Variants in CD244 observed in about 807,000 individuals in gnomAD.
CD244 encodes the protein natural killer cell receptor 2B4.
CD244 carries 20 observed loss-of-function variants against 45.5 expected under a neutral mutation model. The ratio of observed to expected loss-of-function variants is 0.44; its 90% CI spans 0.31 to 0.64. The LOEUF (loss-of-function observed/expected upper bound fraction) is 0.64, where lower values mean the gene tolerates loss of function less well. CD244 is among the 30% of genes least tolerant of loss of function. The pLI is 0.08. For synonymous variants in CD244, 185 were observed against 160.5 expected, an observed-to-expected ratio of 1.15 and a Z score of -1.15; for missense variants, 407 against 426.9, an observed-to-expected ratio of 0.95 and a Z score of 0.41.
At position 160,862,774 on chromosome 1, in the gene CD244, G is replaced by A; in HGVS notation, c.-97C>T. Reference sequence around the variant, plus strand: ...TCCCCAGTCAGCAAGAGGACGATGGGGAGCAGAACTGCCTTGCAACCTGTC... The same window carrying A: ...TCCCCAGTCAGCAAGAGGACGATGGAGAGCAGAACTGCCTTGCAACCTGTC... On this transcript the variant is annotated 5_prime_UTR_variant, in exon 1 of 9. Coordinates refer to ENST00000368034, the MANE Select transcript of CD244 (RefSeq NM_016382.4). 2 of 1,073,674 alleles carry A rather than the reference G, an allele frequency of 1.9e-6. No individual in the cohort carries two copies. The highest frequency in any genetic ancestry group is 2.8e-6 in the Non-Finnish European group (2 of 720,896). The allele number at this position is 1,073,674 out of a possible 1,614,324, so 66.5% of individuals were successfully genotyped here.
At chr1:160,856,855 A>G (rs753030805) in intron 1 of CD244, among the ~76,000 whole-genome samples, 12 of 152,006 alleles carry the variant, frequency 7.9e-5, no homozygotes, top group Non-Finnish European at 1.5e-4. Context: ...ATGTACAGTA[A>G]AGGAAACAAT....
chr1:160,852,143 G>A (rs902201495), intron 1 of CD244, among the ~76,000 whole-genome samples: 14 of 152,214 alleles, frequency 9.2e-5, no homozygotes, highest in Non-Finnish European at 1.5e-4. Context: ...ACTTGGGCAG[G>A]CACTTTAGGA....
chr1:160,841,567 C>T lies in CD244; in HGVS notation c.379+17G>A. ...TAGGAATCAGAGAGGGCAGTATGAACAGTCCTGGAGACTTACCAAATACAA... is the reference window on the plus strand; with the variant it reads ...TAGGAATCAGAGAGGGCAGTATGAATAGTCCTGGAGACTTACCAAATACAA... On this transcript the variant is annotated intron_variant, in intron 2 of 8. Transcript: ENST00000368034. 1.2e-6 allele frequency: 2 copies of T among 1,612,684 alleles called. No individual in the cohort carries two copies. The highest frequency in any genetic ancestry group is 1.7e-6 in the Non-Finnish European group (2 of 1,179,304).
intron 6 of CD244, among the ~76,000 whole-genome samples, 174 bp downstream of exon 6, chr1:160,836,021 C>T (rs1428978048): frequency 1.3e-5 from 2 of 152,158 alleles, no homozygotes; most frequent in African/African-American, 2.4e-5. Context: ...TTAAGATGCT[C>T]TAGTATCACA....
chr1:160,837,599 G>A (rs531872408), intron 5 of CD244, among the ~76,000 whole-genome samples: 1 of 152,216 alleles, frequency 6.6e-6, no homozygotes, highest in African/African-American at 2.4e-5. Context: ...GCTGCACAGG[G>A]CCTCACGTAT....
intron 3 of CD244, 92 bp downstream of exon 3, chr1:160,841,118 A>AT: frequency 8.4e-6 from 11 of 1,311,482 alleles, no homozygotes; most frequent in Non-Finnish European, 1.2e-5. Flanking sequence ...AGGCCAAGGG[A>AT]TTTTATCTCA....
At chr1:160,852,136 T>G (rs1571114666) in intron 1 of CD244, among the ~76,000 whole-genome samples, 1 of 152,178 alleles carries the variant, frequency 6.6e-6, no homozygotes, top group Non-Finnish European at 1.5e-5. Context: ...GCAACAGACT[T>G]GGGCAGGCAC....
chr1:160,857,723 T>A (rs1188622312), intron 1 of CD244, among the ~76,000 whole-genome samples: 3 of 152,238 alleles, frequency 2.0e-5, no homozygotes, highest in Non-Finnish European at 4.4e-5. Context: ...TTCTGTATGT[T>A]GCACTTCAAT....
At chr1:160,848,409 G>C in intron 1 of CD244, 1 of 556,254 alleles carries the variant, frequency 1.8e-6, no homozygotes, top group East Asian at 4.7e-5. Context: ...AAGTTGAAAG[G>C]GGGCATGAAT....
At chr1:160,843,045 A>C (rs1266975550) in intron 1 of CD244, among the ~76,000 whole-genome samples, 3 of 152,206 alleles carry the variant, frequency 2.0e-5, no homozygotes, top group Non-Finnish European at 4.4e-5. Flanking sequence ...TATTAAGAAG[A>C]GAGCAATTGA....
Position 160,845,032 on chromosome 1 carries a change from T to G in CD244, c.62-3131A>C, listed in dbSNP as rs149710116. ...AGCCACCCGTGGCCAGTCTGGCAGC[T>G]GACCACACATGCATGACTGATGCAA... On this transcript the variant is annotated intron_variant, in intron 1 of 8. Coordinates refer to ENST00000368034, the MANE Select transcript of CD244 (RefSeq NM_016382.4). Among the ~76,000 whole-genome samples, 56 of 152,294 alleles carry G rather than the reference T, an allele frequency of 3.7e-4. 1 individual carries two copies. The South Asian group carries it at 5.8e-3, about 16-fold the overall frequency.
intron 1 of CD244, among the ~76,000 whole-genome samples, chr1:160,854,386 T>G (rs1474233237): frequency 6.6e-6 from 1 of 152,024 alleles, no homozygotes; most frequent in African/African-American, 2.4e-5. Flanking sequence ...ACTTCTTTGT[T>G]TGTTTGTTTG....
At chr1:160,831,866 G>A (rs768309401) in intron 8 of CD244, among the ~76,000 whole-genome samples, 8 of 152,184 alleles carry the variant, frequency 5.3e-5, no homozygotes, top group African/African-American at 1.2e-4. Flanking sequence ...GTTGGGGGAT[G>A]CTCTCCATGC....
In CD244 at chr1:160,848,221, T is replaced by G. The variant is rs1669802471; in HGVS notation, c.62-6320A>C. The G allele has an allele frequency of 5.5e-6, 3 of 546,254 alleles. No individual in the cohort carries two copies. In the East Asian group the frequency reaches 1.4e-4, roughly 26 times the overall value. The allele number at this position is 546,254 out of a possible 1,614,324, so 33.8% of individuals were successfully genotyped here. ...AGGATGTTGACATCACACACCATAA[T>G]GGCACTGGTGGCAAGTTCATCTATG... is the stretch of plus-strand genomic sequence containing the variant. On this transcript the variant is annotated intron_variant, in intron 1 of 8. Coordinates refer to ENST00000368034, the MANE Select transcript of CD244 (RefSeq NM_016382.4).
chr1:160,858,030 G>A (rs1309372597), intron 1 of CD244, among the ~76,000 whole-genome samples: 1 of 150,986 alleles, frequency 6.6e-6, no homozygotes, highest in Non-Finnish European at 1.5e-5. Context: ...CTGGGTGATA[G>A]AGCAAGACCC....
chr1:160,861,533 T>C (rs1388171399), intron 1 of CD244, among the ~76,000 whole-genome samples: 5 of 152,146 alleles, frequency 3.3e-5, no homozygotes, highest in Admixed American at 2.6e-4. Context: ...GTCACTGATC[T>C]AAAATGCAGA....
chr1:160,831,176 C>G lies in CD244; in HGVS notation c.*171G>C, dbSNP rs1301444933. 3.3e-6 allele frequency: 2 copies of G among 599,564 alleles called. No homozygotes were observed. The highest frequency in any genetic ancestry group is 6.0e-6 in the Non-Finnish European group (2 of 332,506). 37.1% of individuals were successfully genotyped at this position (599,564 alleles called of 1,614,324 possible). A position where few individuals can be genotyped will look rare whatever the true frequency, so the allele number is the denominator to read the frequency against. On this transcript the variant is annotated 3_prime_UTR_variant, in exon 9 of 9. Transcript: ENST00000368034. ...GAAGATATTATTTAACAGCCTTGCT[C>G]TTATCATGGTTGTTAGACATCATTT...
At chr1:160,841,508 G>C (rs770643711) in intron 2 of CD244, 23 bp from the exon 3 acceptor site, 2 of 1,613,660 alleles carry the variant, frequency 1.2e-6, no homozygotes, top group South Asian at 1.1e-5. Flanking sequence ...ATTCTGATCA[G>C]AAAGGCATTG....
chr1:160,855,815 G>A (rs1461446532), intron 1 of CD244, among the ~76,000 whole-genome samples: 4 of 152,200 alleles, frequency 2.6e-5, no homozygotes, highest in Non-Finnish European at 4.4e-5. Flanking sequence ...TAACTCCACT[G>A]CAGCCTCAGG....
Sources: gnomAD v4.1 joint callset for allele counts (sites outside exome capture counted in the v4.1 genomes callset) on GRCh38, gnomAD v4.1.1 for gene constraint, MANE v1.5 for transcripts, NCBI Gene and HGNC (gene_info 2026-07-23, HGNC 2026-07-21) for gene names.